The following SCN10A variants were observed in gnomAD, a reference collection of about 807,000 sequenced individuals.
SCN10A encodes the protein sodium channel protein type 10 subunit alpha.
SCN10A carries 162 observed loss-of-function variants against 170.7 expected under a neutral mutation model. That is an observed-to-expected ratio of 0.95 (90% confidence interval 0.84 to 1.08). The LOEUF is 1.08. Ranked by LOEUF, SCN10A falls within the 50% of genes least tolerant of loss-of-function variation. The probability of loss-of-function intolerance (pLI) is 0.00; values close to 1 mark genes in which losing one functional copy is unlikely to be tolerated. For missense variants in SCN10A, 2,527 were observed against 2,436.9 expected (o/e 1.04, Z -0.78); for synonymous variants, 985 against 904.6 (o/e 1.09, Z -1.59).
chr3:38,716,574 T>C (rs2063336101), intron 21 of SCN10A, among the ~76,000 whole-genome samples: 1 of 152,206 alleles, frequency 6.6e-6, no homozygotes, highest in Non-Finnish European at 1.5e-5. Flanking sequence ...CTTAGGTATG[T>C]CTTTATCAGC....
intron 13 of SCN10A, among the ~76,000 whole-genome samples, chr3:38,748,345 T>C (rs1299536398): frequency 2.0e-5 from 3 of 152,122 alleles, no homozygotes; most frequent in African/African-American, 7.2e-5. Flanking sequence ...TCTGTACACG[T>C]TGTTGTTGAG....
At chr3:38,715,833 G>T (rs530392612) in intron 21 of SCN10A, among the ~76,000 whole-genome samples, 18 of 152,296 alleles carry the variant, frequency 1.2e-4, no homozygotes, top group Non-Finnish European at 2.2e-4. Flanking sequence ...TAAGATCCTG[G>T]AGATAGTGAG....
chr3:38,798,792 T>TC (rs2064355199), intron 1 of SCN10A, among the ~76,000 whole-genome samples: 1 of 143,538 alleles, frequency 7.0e-6, no homozygotes, highest in Non-Finnish European at 1.5e-5. Flanking sequence ...CCTCCTTTTT[T>TC]TTTTTTTTTT....
chr3:38,760,122 G>A (rs185281319), intron 8 of SCN10A, among the ~76,000 whole-genome samples: 1 of 152,194 alleles, frequency 6.6e-6, no homozygotes, highest in African/African-American at 2.4e-5. Context: ...GAGTGATGAA[G>A]TCTATTTCTC....
chr3:38,804,397 C>T (rs917851435), intron 1 of SCN10A, among the ~76,000 whole-genome samples: 6 of 152,070 alleles, frequency 3.9e-5, no homozygotes, highest in Non-Finnish European at 7.4e-5. Context: ...AACACTTTTA[C>T]GACCTAATAG....
rs368641356 is a variant in SCN10A, at chr3:38,709,472, A to C, written c.4281+6T>G. On this transcript the variant is annotated splice_donor_region_variant and intron_variant, in intron 25 of 27. Transcript: ENST00000449082. ...CAGAAACCAGAAACTCCTGAGCACC[A>C]CTTATCTTTTTTTTCTGTTGATTGA... 4 of 1,606,540 alleles carry C rather than the reference A, an allele frequency of 2.5e-6. No homozygotes were observed. Among genetic ancestry groups the C allele is most frequent in the South Asian group, 1.1e-5 (1 of 89,398 alleles).
chr3:38,710,656 G>A (rs1206236270), intron 24 of SCN10A, among the ~76,000 whole-genome samples, 188 bp downstream of exon 24: 2 of 149,846 alleles, frequency 1.3e-5, no homozygotes, highest in African/African-American at 4.9e-5. Context: ...ATGAAAGGGG[G>A]AAAGCCTCGG....
chr3:38,798,610 A>G (rs2064354005), intron 1 of SCN10A, among the ~76,000 whole-genome samples: 1 of 152,120 alleles, frequency 6.6e-6, no homozygotes, highest in South Asian at 2.1e-4. Flanking sequence ...AATCCAAGAA[A>G]TATCTATTCT....
intron 1 of SCN10A, among the ~76,000 whole-genome samples, chr3:38,794,863 T>C (rs2064328649): frequency 6.6e-6 from 1 of 152,178 alleles, no homozygotes; most frequent in Non-Finnish European, 1.5e-5. Context: ...TCCTAGTTCA[T>C]GGAGAAAAAC....
chr3:38,769,855 C>G (rs916704330), intron 5 of SCN10A, among the ~76,000 whole-genome samples: 1 of 152,158 alleles, frequency 6.6e-6, no homozygotes, highest in African/African-American at 2.4e-5. Flanking sequence ...CACAGAGGGG[C>G]TACCAGGCTC....
Position 38,725,279 on chromosome 3 carries a change from G to T in SCN10A, c.3123C>A (p.Asp1041Glu), listed in dbSNP as rs762335489. ...EQLQQVERCG[D>E]HLTPRSPGTG... Reference sequence around the variant, plus strand: ...TGCCTGGGCTCCTGGGTGTCAGGTGGTCCCCACACCTCTCGACTTGCTGCA... The same window carrying T: ...TGCCTGGGCTCCTGGGTGTCAGGTGTTCCCCACACCTCTCGACTTGCTGCA... Residue 1041 changes from aspartate (D) to glutamate (E), a missense_variant, in exon 18 of 28, where the codon GAC (aspartate) becomes GAA (glutamate). Coordinates refer to ENST00000449082, the MANE Select transcript of SCN10A (RefSeq NM_006514.4). 8 of 1,595,418 alleles carry T rather than the reference G, an allele frequency of 5.0e-6. No individual in the cohort carries two copies. Among genetic ancestry groups the T allele is most frequent in the Non-Finnish European group, 6.9e-6 (8 of 1,166,550 alleles).
intron 18 of SCN10A, among the ~76,000 whole-genome samples, chr3:38,724,943 T>C (rs1166977487): frequency 6.6e-6 from 1 of 152,192 alleles, no homozygotes; most frequent in Non-Finnish European, 1.5e-5. Flanking sequence ...TTTCTATACC[T>C]AGAACCACCC....
chr3:38,786,550 C>G (rs900324828), intron 4 of SCN10A, among the ~76,000 whole-genome samples: 3 of 152,076 alleles, frequency 2.0e-5, no homozygotes, highest in Non-Finnish European at 4.4e-5. Flanking sequence ...ATGGGTGCAG[C>G]AAACCACCAT....
chr3:38,762,628 C>A (rs2063887515), intron 6 of SCN10A, among the ~76,000 whole-genome samples: 1 of 152,042 alleles, frequency 6.6e-6, no homozygotes, highest in South Asian at 2.1e-4. Flanking sequence ...CCAGGTCTTG[C>A]AAATAAGACT....
chr3:38,708,769 G>A (rs1047630353), intron 25 of SCN10A, among the ~76,000 whole-genome samples: 1 of 152,150 alleles, frequency 6.6e-6, no homozygotes, highest in African/African-American at 2.4e-5. Context: ...TTAAAATATT[G>A]CCAGCATGAG....
At chr3:38,796,898 C>T (rs144337136) in intron 1 of SCN10A, among the ~76,000 whole-genome samples, 1 of 152,104 alleles carries the variant, frequency 6.6e-6, no homozygotes, top group East Asian at 1.9e-4. Context: ...CTATTTTGTT[C>T]AGCATTGATT....
intron 2 of SCN10A, 61 bp from the exon 3 acceptor site, chr3:38,792,229 A>G (rs772779126): frequency 1.5e-4 from 239 of 1,591,316 alleles, no homozygotes; most frequent in Non-Finnish European, 2.0e-4. Context: ...TTATACAACC[A>G]TGTTTTTAAA....
chr3:38,795,547 G>T (rs1301143999), intron 1 of SCN10A, among the ~76,000 whole-genome samples: 4 of 151,586 alleles, frequency 2.6e-5, no homozygotes, highest in African/African-American at 9.7e-5. Flanking sequence ...CCACTATATT[G>T]TCCAGGCCCA....
intron 4 of SCN10A, among the ~76,000 whole-genome samples, chr3:38,781,134 A>G (rs1393086171): frequency 6.6e-6 from 1 of 152,110 alleles, no homozygotes; most frequent in Admixed American, 6.6e-5. Flanking sequence ...ATGCAACAAA[A>G]ATGAACTATT....
Sources: allele counts gnomAD v4.1 joint callset (sites outside exome capture counted in the v4.1 genomes callset), GRCh38; gene constraint gnomAD v4.1.1; transcripts MANE v1.5; gene names NCBI Gene and HGNC (gene_info 2026-07-23, HGNC 2026-07-21).